Variants in GRIP1 observed in about 807,000 individuals in gnomAD.
GRIP1 encodes the protein glutamate receptor interacting protein 1.
GRIP1 carries 45 observed loss-of-function variants against 129.9 expected under a neutral mutation model. The observed-to-expected ratio is 0.35, with a 90% CI of 0.27 to 0.44. GRIP1 has a LOEUF of 0.44. Among genes scored for constraint, GRIP1 ranks in the 20% least tolerant of loss-of-function variants. The probability of loss-of-function intolerance (pLI) is 1.00; values close to 1 mark genes in which losing one functional copy is unlikely to be tolerated. For missense variants in GRIP1, 1,196 were observed against 1,396.8 expected (o/e 0.86, Z 2.29); for synonymous variants, 530 against 520.8 (o/e 1.02, Z -0.24).
At chr12:66,726,995 G>A (rs2036276140) in intron 1 of GRIP1, among the ~76,000 whole-genome samples, 1 of 152,096 alleles carries the variant, frequency 6.6e-6, no homozygotes, top group African/African-American at 2.4e-5. Context: ...TATTGTAGTA[G>A]TACAAAATAC....
At chr12:66,508,460 G>A (rs544744541) in intron 7 of GRIP1, among the ~76,000 whole-genome samples, 1 of 152,214 alleles carries the variant, frequency 6.6e-6, no homozygotes, top group South Asian at 2.1e-4. Context: ...ATACTTTCAA[G>A]AGTCACCAGG....
Position 66,496,334 on chromosome 12 carries a change from C to T in GRIP1, c.724+19285G>A, listed in dbSNP as rs562892064. On this transcript the variant is annotated intron_variant, in intron 7 of 24. Coordinates refer to ENST00000359742, the MANE Select transcript of GRIP1 (RefSeq NM_001366722.1). ...CAAGATTTACATTCCTTAAAAGACC[C>T]ACAGAACACCCAGCTTTCGATGAGC... is the stretch of plus-strand genomic sequence containing the variant. Among the ~76,000 whole-genome samples, 4 of 152,244 alleles carry T rather than the reference C, an allele frequency of 2.6e-5. No homozygotes were observed. In the South Asian group the frequency reaches 6.2e-4, roughly 24 times the overall value.
chr12:66,785,712 A>C (rs2038320052), intron 1 of GRIP1, among the ~76,000 whole-genome samples: 1 of 152,166 alleles, frequency 6.6e-6, no homozygotes, highest in South Asian at 2.1e-4. Flanking sequence ...AACAAATAAA[A>C]TAAAGCCAAA....
At chr12:66,523,996 A>G (rs1209838576) in intron 5 of GRIP1, among the ~76,000 whole-genome samples, 19 of 152,200 alleles carry the variant, frequency 1.2e-4, no homozygotes, top group East Asian at 3.9e-4. Context: ...AAATATATAT[A>G]CACCCAATAC....
intron 1 of GRIP1, among the ~76,000 whole-genome samples, chr12:66,911,702 CCTTT>C (rs752087630): frequency 3.9e-5 from 6 of 152,100 alleles, no homozygotes; most frequent in Non-Finnish European, 5.9e-5. Flanking sequence ...CATTTTTCTT[CCTTT>C]CTTATCATGC....
At chr12:67,015,797 T>A (rs1197809646) in intron 1 of GRIP1, among the ~76,000 whole-genome samples, 1 of 152,158 alleles carries the variant, frequency 6.6e-6, no homozygotes. Context: ...CTCAGCAGAA[T>A]CCTCAGCAGC....
intron 1 of GRIP1, among the ~76,000 whole-genome samples, chr12:66,946,868 G>T (rs2041679353): frequency 6.6e-6 from 1 of 151,066 alleles, no homozygotes. Flanking sequence ...ATGATGAAAT[G>T]CTGTCTCTAC....
In GRIP1 at chr12:66,394,309, A is replaced by C; in HGVS notation, c.2028T>G (p.Leu676=). 1 of 1,613,984 alleles carries C rather than the reference A, an allele frequency of 6.2e-7. No individual in the cohort carries two copies. Among genetic ancestry groups the C allele is most frequent in the Non-Finnish European group, 8.5e-7 (1 of 1,179,820 alleles). The part of the protein sequence containing the change: ...SSGAIIYTVE[L]KRYGGPLGIT... ...TGCCAAGGGGCCCCCCGTAGCGTTT[A>C]AGCTCCACGGTGTAAATAATTGCTC... Residue 676 remains leucine, a synonymous_variant, in exon 17 of 25, where the codon CTT becomes CTG. Transcript: ENST00000359742.
At position 66,854,259 on chromosome 12, in the gene GRIP1, T is replaced by C. The variant is rs575414051; in HGVS notation, c.58+214791A>G. 4.7e-5 allele frequency among the ~76,000 whole-genome samples: 7 copies of C among 149,818 alleles called. No individual in the cohort carries two copies. The South Asian group carries it at 1.3e-3, about 27-fold the overall frequency. ...GAAGGCCTCCCAGAGAGGAAAGGAG[T>C]TGCAGGATGGAGCAAGCAAGGGCAT... On this transcript the variant is annotated intron_variant, in intron 1 of 1. Transcript: ENST00000643019.
intron 2 of GRIP1, among the ~76,000 whole-genome samples, chr12:66,543,923 C>T (rs888116701): frequency 2.6e-5 from 4 of 152,038 alleles, no homozygotes; most frequent in Admixed American, 6.6e-5. Flanking sequence ...AATACTAACA[C>T]CAGGCATGTG....
At chr12:66,469,651 A>T (rs978114922) in intron 7 of GRIP1, among the ~76,000 whole-genome samples, 1 of 152,172 alleles carries the variant, frequency 6.6e-6, no homozygotes, top group Non-Finnish European at 1.5e-5. Context: ...AAAAAAAATG[A>T]TGAAGAAAAG....
chr12:66,851,660 G>A, intron 1 of GRIP1, among the ~76,000 whole-genome samples: 1 of 151,986 alleles, frequency 6.6e-6, no homozygotes, highest in East Asian at 1.9e-4. Context: ...TTACAAATTG[G>A]CTCATTTAAG....
chr12:66,822,081 T>C (rs993462974), intron 1 of GRIP1, among the ~76,000 whole-genome samples: 3 of 152,092 alleles, frequency 2.0e-5, no homozygotes, highest in African/African-American at 7.2e-5. Flanking sequence ...TCAGAAAGCA[T>C]CATGCAGTTG....
intron 2 of GRIP1, among the ~76,000 whole-genome samples, chr12:66,582,208 C>A (rs1294847794): frequency 6.7e-6 from 1 of 149,562 alleles, no homozygotes. Context: ...TTCAACAACC[C>A]TTCATGCTAA....
chr12:67,033,714 G>T (rs1390363545), intron 1 of GRIP1, among the ~76,000 whole-genome samples: 1 of 152,112 alleles, frequency 6.6e-6, no homozygotes, highest in Non-Finnish European at 1.5e-5. Flanking sequence ...CATCCTAGCT[G>T]TGCAACTTTC....
intron 1 of GRIP1, among the ~76,000 whole-genome samples, chr12:66,914,699 G>T (rs565358491): frequency 1.3e-5 from 2 of 152,288 alleles, no homozygotes; most frequent in East Asian, 1.9e-4. Context: ...TGAGGGGTTT[G>T]GTGGTTCAGA....
intron 1 of GRIP1, among the ~76,000 whole-genome samples, chr12:66,988,390 T>G (rs1371900887): frequency 6.6e-6 from 1 of 151,898 alleles, no homozygotes; most frequent in East Asian, 1.9e-4. Context: ...TTCTTTTTCT[T>G]TTTTTTTAGA....
intron 2 of GRIP1, among the ~76,000 whole-genome samples, chr12:66,554,947 C>A (rs559866311): frequency 1.3e-5 from 2 of 152,290 alleles, no homozygotes; most frequent in African/African-American, 4.8e-5. Context: ...ATCTCTGAAC[C>A]CATCCAGGAT....
intron 1 of GRIP1, among the ~76,000 whole-genome samples, chr12:66,874,828 G>A (rs147316745): frequency 6.6e-6 from 1 of 152,004 alleles, no homozygotes; most frequent in African/African-American, 2.4e-5. Context: ...GTTCCCCAGT[G>A]GGAAAAACTG....
Sources: gnomAD v4.1 joint callset for allele counts (sites outside exome capture counted in the v4.1 genomes callset) on GRCh38, gnomAD v4.1.1 for gene constraint, MANE v1.5 for transcripts, NCBI Gene and HGNC (gene_info 2026-07-23, HGNC 2026-07-21) for gene names.